SLC60A2: variants seen among roughly 807,000 people sequenced by gnomAD.
SLC60A2 encodes the protein solute carrier family 60 member 2.
the SLC60A2 span, chr6:111,263,919 G>A: frequency 1.4e-5 from 22 of 1,604,526 alleles, no homozygotes; most frequent in Non-Finnish European, 1.6e-5. Context: ...GTCTATCTTC[G>A]GTGTTTCAAT....
At chr6:111,260,418 A>G in the SLC60A2 span, among the ~76,000 whole-genome samples, 2 of 152,236 alleles carry the variant, frequency 1.3e-5, no homozygotes, top group African/African-American at 4.8e-5. Context: ...CGGAGGGGAA[A>G]GTGACTTTCT....
chr6:111,266,156 C>A, the SLC60A2 span: 1 of 1,612,562 alleles, frequency 6.2e-7, no homozygotes, highest in South Asian at 1.1e-5. Context: ...TAGTTTCTGT[C>A]ATTTTTTTTT....
At chr6:111,262,686 G>A in the SLC60A2 span, among the ~76,000 whole-genome samples, 1 of 152,106 alleles carries the variant, frequency 6.6e-6, no homozygotes, top group Non-Finnish European at 1.5e-5. Flanking sequence ...CTATAATTTA[G>A]CTACCACTCC....
chr6:111,260,126 G>A, the SLC60A2 span, among the ~76,000 whole-genome samples: 3 of 152,176 alleles, frequency 2.0e-5, no homozygotes, highest in African/African-American at 4.8e-5. Flanking sequence ...GGCCAGGCTG[G>A]TTTCAAACTC....
chr6:111,265,505 T>C, the SLC60A2 span: 1 of 399,144 alleles, frequency 2.5e-6, no homozygotes, highest in East Asian at 1.6e-4. Flanking sequence ...GGCTACTATC[T>C]GATGATAAAA....
the SLC60A2 span, chr6:111,259,402 G>A: frequency 5.1e-6 from 2 of 391,058 alleles, no homozygotes; most frequent in Non-Finnish European, 9.1e-6. Context: ...CTCTGCCCCG[G>A]TTCCGGGCGG....
chr6:111,266,385 TG>T, the SLC60A2 span: 38 of 1,614,094 alleles, frequency 2.4e-5, no homozygotes, highest in Non-Finnish European at 2.9e-5. Flanking sequence ...CTCCATCTTC[TG>T]GGGGACATTT....
chr6:111,276,263 T>G, the SLC60A2 span, among the ~76,000 whole-genome samples: 1 of 152,252 alleles, frequency 6.6e-6, no homozygotes, highest in African/African-American at 2.4e-5. Context: ...AGATCTTGTT[T>G]TCAGTTCTTT....
the SLC60A2 span, among the ~76,000 whole-genome samples, chr6:111,272,509 A>AT: frequency 6.8e-3 from 776 of 114,702 alleles, 12 homozygotes; most frequent in African/African-American, 0.019. Flanking sequence ...TTCTAACTGT[A>AT]TTTTTTTTTT....
At chr6:111,266,096 T>G in the SLC60A2 span, 1 of 1,614,192 alleles carries the variant, frequency 6.2e-7, no homozygotes, top group African/African-American at 1.3e-5. Context: ...GAGTACCTAA[T>G]GATAAGAATT....
chr6:111,262,177 T>A, the SLC60A2 span: 1 of 1,188,836 alleles, frequency 8.4e-7, no homozygotes, highest in South Asian at 1.5e-5. Flanking sequence ...CCCTTTTTTT[T>A]TATAGTGGAA....
the SLC60A2 span, chr6:111,265,933 C>A: frequency 1.2e-6 from 2 of 1,614,090 alleles, no homozygotes; most frequent in Non-Finnish European, 1.7e-6. Flanking sequence ...CATATGCAGG[C>A]CTTACACTTC....
At chr6:111,270,948 T>C in the SLC60A2 span, 1 of 152,084 alleles carries the variant, frequency 6.6e-6, no homozygotes, top group African/African-American at 2.4e-5. Flanking sequence ...ATATGCCCCA[T>C]TAGCCAGGCC....
the SLC60A2 span, among the ~76,000 whole-genome samples, chr6:111,260,013 C>T: frequency 6.7e-6 from 1 of 148,938 alleles, no homozygotes; most frequent in Admixed American, 6.8e-5. Context: ...AGGGTTCAAG[C>T]GATTCTCCTG....
chr6:111,266,892 G>A, the SLC60A2 span: 1 of 1,614,018 alleles, frequency 6.2e-7, no homozygotes, highest in Non-Finnish European at 8.5e-7. Flanking sequence ...GAATGAAGAG[G>A]AGGATGCAGA....
At chr6:111,275,534 C>T in the SLC60A2 span, among the ~76,000 whole-genome samples, 162 of 151,910 alleles carry the variant, frequency 1.1e-3, no homozygotes, top group African/African-American at 3.7e-3. Context: ...CCCAGCCTCC[C>T]GAGTAGCTGG....
the SLC60A2 span, chr6:111,267,216 A>T: frequency 7.8e-7 from 1 of 1,283,506 alleles, no homozygotes; most frequent in Non-Finnish European, 1.1e-6. Flanking sequence ...TGCTTTGGGG[A>T]TTAAAATTTT....
chr6:111,267,810 G>C, the SLC60A2 span: 1 of 152,198 alleles, frequency 6.6e-6, no homozygotes, highest in Admixed American at 6.5e-5. Flanking sequence ...GCGACATCTA[G>C]ACTCCGTCTC....
the SLC60A2 span, chr6:111,259,855 C>A: frequency 4.2e-5 from 23 of 542,868 alleles, no homozygotes; most frequent in East Asian, 4.9e-5. Flanking sequence ...AAAATGGGCA[C>A]AATTCTAATC....
Sources: gnomAD v4.1 joint callset for allele counts (sites outside exome capture counted in the v4.1 genomes callset) on GRCh38, gnomAD v4.1.1 for gene constraint, MANE v1.5 for transcripts, NCBI Gene and HGNC (gene_info 2026-07-23, HGNC 2026-07-21) for gene names.